The following RALGAPA2 variants were observed in gnomAD, a reference collection of about 807,000 sequenced individuals.
RALGAPA2 encodes ral GTPase-activating protein subunit alpha-2.
RALGAPA2 carries 139 observed loss-of-function variants against 230.4 expected under a neutral mutation model. That is an observed-to-expected ratio of 0.60 (90% confidence interval 0.53 to 0.69). The LOEUF (loss-of-function observed/expected upper bound fraction) is 0.69. Among genes scored for constraint, RALGAPA2 ranks in the 30% least tolerant of loss-of-function variants. The pLI is 0.00. For synonymous variants in RALGAPA2, 847 were observed against 837.8 expected, an observed-to-expected ratio of 1.01 and a Z score of -0.19; for missense variants, 2,163 against 2,276.0, an observed-to-expected ratio of 0.95 and a Z score of 1.01.
At chr20:20,404,715 C>T (rs541875538) in intron 38 of RALGAPA2, among the ~76,000 whole-genome samples, 9 of 152,328 alleles carry the variant, frequency 5.9e-5, no homozygotes, top group South Asian at 2.1e-4. Context: ...TTGGCAACTG[C>T]TAAAGCGTCC....
At position 20,396,774 on chromosome 20, in the gene RALGAPA2, A is replaced by C. The variant is rs201691965; in HGVS notation, c.5618-40T>G. The C allele has an allele frequency of 3.5e-6, 5 of 1,413,560 alleles. No individual in the cohort carries two copies. The African/African-American group carries it at 6.7e-5, about 19-fold the overall frequency. 87.6% of individuals were successfully genotyped at this position (1,413,560 alleles called of 1,614,324 possible). A position where few individuals can be genotyped will look rare whatever the true frequency, so the allele number is the denominator to read the frequency against. ...CACAAAATGGAATGAATACAAACAC[A>C]ACACCCCCACAGCTCCAACTTGATA... On this transcript the variant is annotated intron_variant, in intron 38 of 39. Transcript: ENST00000202677.
chr20:20,531,762 T>G lies in RALGAPA2; in HGVS notation c.3507A>C (p.Ile1169=), dbSNP rs759390443. 6.8e-6 allele frequency: 11 copies of G among 1,607,572 alleles called. No homozygotes were observed. The Admixed American group carries it at 1.9e-4, about 27-fold the overall frequency. Residue 1169 remains isoleucine (I), a synonymous_variant, in exon 27 of 40, where the codon ATA becomes ATC. Transcript: ENST00000202677. ...CIAVCSLGVW[I]CEELAQCTSH... ...TTGTACACTGTGCAAGCTCTTCACATATCCAGACCCCAAGGGAGCAAACAG... is the reference window on the plus strand; with the variant it reads ...TTGTACACTGTGCAAGCTCTTCACAGATCCAGACCCCAAGGGAGCAAACAG...
intron 30 of RALGAPA2, among the ~76,000 whole-genome samples, chr20:20,521,950 TAC>T (rs1480593159): frequency 6.6e-6 from 1 of 152,226 alleles, no homozygotes; most frequent in Non-Finnish European, 1.5e-5. Flanking sequence ...TACCAAGAAT[TAC>T]AGTTGTCAGG....
chr20:20,460,936 A>G (rs759795956), intron 37 of RALGAPA2, among the ~76,000 whole-genome samples: 5 of 152,242 alleles, frequency 3.3e-5, no homozygotes, highest in African/African-American at 4.8e-5. Context: ...GAAAGCCAAT[A>G]TAAGTTAAAA....
At chr20:20,657,127 G>A (rs1167227867) in intron 3 of RALGAPA2, among the ~76,000 whole-genome samples, 1 of 152,240 alleles carries the variant, frequency 6.6e-6, no homozygotes, top group Non-Finnish European at 1.5e-5. Context: ...GGAGATAGGA[G>A]TACAAATGGC....
Position 20,609,124 on chromosome 20 carries a change from A to G in RALGAPA2, c.1800+2191T>C, listed in dbSNP as rs548644359. On this transcript the variant is annotated intron_variant, in intron 14 of 39. Coordinates refer to ENST00000202677, the MANE Select transcript of RALGAPA2 (RefSeq NM_020343.4). ...AATCTTCCCACCTCAGCTCCCAAGT[A>G]ACTGAAACTTCAGGTGCATGCCACT... 2.0e-5 allele frequency among the ~76,000 whole-genome samples: 3 copies of G among 152,236 alleles called. No individual in the cohort carries two copies. In the East Asian group the frequency reaches 5.8e-4, roughly 29 times the overall value.
rs2062762073 is a variant in RALGAPA2, at chr20:20,513,112, C to T, written c.4257G>A (p.Glu1419=). The T allele has an allele frequency of 6.3e-7, 1 of 1,589,016 alleles. No homozygotes were observed. Among genetic ancestry groups the T allele is most frequent in the Non-Finnish European group, 8.6e-7 (1 of 1,169,302 alleles). Residue 1419 remains glutamate (E), a synonymous_variant, in exon 32 of 40, where the codon GAG becomes GAA. Transcript: ENST00000202677. ...GCTGCAGGTTTGGACTTCTGAACAC[C>T]TCAAAGGACAGCTCGGAGCCTTCCA... ...AHVEGSELSF[E]VFRSPNLQLF... is the part of the protein sequence containing the mutation.
intron 1 of RALGAPA2, among the ~76,000 whole-genome samples, chr20:20,700,060 T>A (rs2069284857): frequency 6.6e-6 from 1 of 152,146 alleles, no homozygotes; most frequent in African/African-American, 2.4e-5. Flanking sequence ...TCAACCTAAC[T>A]GCCCATTAGT....
At chr20:20,451,501 C>G (rs972535156) in intron 37 of RALGAPA2, among the ~76,000 whole-genome samples, 1 of 152,202 alleles carries the variant, frequency 6.6e-6, no homozygotes, top group South Asian at 2.1e-4. Context: ...AGACTGGCTA[C>G]AAAACACTTA....
intron 37 of RALGAPA2, among the ~76,000 whole-genome samples, chr20:20,425,256 C>G (rs759846890): frequency 6.6e-6 from 1 of 152,184 alleles, no homozygotes; most frequent in Non-Finnish European, 1.5e-5. Flanking sequence ...CACGTGAAAT[C>G]AGACTAGGCT....
chr20:20,561,765 C>T (rs150508854), intron 23 of RALGAPA2, among the ~76,000 whole-genome samples: 2 of 152,264 alleles, frequency 1.3e-5, no homozygotes, highest in African/African-American at 4.8e-5. Flanking sequence ...TATTACCTAG[C>T]TCTTTTCTTA....
chr20:20,471,186 G>C (rs1161878167), intron 37 of RALGAPA2: 1 of 152,088 alleles, frequency 6.6e-6, no homozygotes, highest in Non-Finnish European at 1.5e-5. Flanking sequence ...TGCTTGAAAA[G>C]TTTTCAAAGT....
At chr20:20,399,362 A>AAT (rs397698045) in intron 38 of RALGAPA2, among the ~76,000 whole-genome samples, 1 of 150,760 alleles carries the variant, frequency 6.6e-6, no homozygotes, top group Non-Finnish European at 1.5e-5. Flanking sequence ...AAAAAAAAAA[A>AAT]GTTGTGACAC....
intron 28 of RALGAPA2, among the ~76,000 whole-genome samples, chr20:20,525,571 C>G (rs1302183123): frequency 2.0e-5 from 3 of 152,256 alleles, no homozygotes; most frequent in African/African-American, 7.2e-5. Context: ...ATGAAGTTTC[C>G]TCGAAGAGTT....
At chr20:20,522,466 A>G (rs1339496657) in intron 30 of RALGAPA2, among the ~76,000 whole-genome samples, 1 of 152,262 alleles carries the variant, frequency 6.6e-6, no homozygotes, top group Non-Finnish European at 1.5e-5. Context: ...AAAAGAGGAT[A>G]TACTGTATGA....
At chr20:20,646,492 T>G (rs2067220479) in intron 4 of RALGAPA2, among the ~76,000 whole-genome samples, 1 of 152,232 alleles carries the variant, frequency 6.6e-6, no homozygotes, top group Non-Finnish European at 1.5e-5. Flanking sequence ...CCACCTCTTC[T>G]GTGCCTTGAC....
intron 3 of RALGAPA2, among the ~76,000 whole-genome samples, chr20:20,657,793 T>C (rs1334341082): frequency 1.3e-5 from 2 of 152,140 alleles, no homozygotes; most frequent in Non-Finnish European, 2.9e-5. Context: ...CACTTAAACA[T>C]TTCATATAGG....
Position 20,619,295 on chromosome 20 carries a change from G to A in RALGAPA2, c.1521C>T (p.Gly507=), listed in dbSNP as rs376239129. 3.8e-5 allele frequency: 61 copies of A among 1,607,190 alleles called. No individual in the cohort carries two copies. Among genetic ancestry groups the A allele is most frequent in the Non-Finnish European group, 5.0e-5 (59 of 1,175,774 alleles). ...CACATACCTGCAACAAAGCCTGGACGCCGGCTTTCACATTTGTATTTTCCT... is the reference window on the plus strand; with the variant it reads ...CACATACCTGCAACAAAGCCTGGACACCGGCTTTCACATTTGTATTTTCCT... ...TEEENTNVKA[G]VQALLQVFLT... Residue 507 remains glycine (G), a synonymous_variant, in exon 12 of 40, where the codon GGC becomes GGT. Coordinates refer to ENST00000202677, the MANE Select transcript of RALGAPA2 (RefSeq NM_020343.4).
In RALGAPA2 at chr20:20,573,029, G is replaced by C; in HGVS notation, c.2747C>G (p.Ala916Gly). ...GTGCCAACCAGTGAGGCTCCCCCCG[G>C]CGATTATACTACAGTCATCTGTGAG... The part of the protein sequence containing the change: ...ECLTDDCSII[A>G]GGSLTGWHPD... The change falls in exon 21 of 40, where the codon GCC becomes GGC. Residue 916 changes from alanine (A) to glycine (G), a missense_variant. By Grantham distance (60) the Ala-to-Gly change is moderately conservative (BLOSUM62 0). Transcript: ENST00000202677. The C allele has an allele frequency of 6.2e-7, 1 of 1,610,288 alleles. No individual in the cohort carries two copies. The highest frequency in any genetic ancestry group is 8.5e-7 in the Non-Finnish European group (1 of 1,178,338).
Sources: gnomAD v4.1 joint callset for allele counts (sites outside exome capture counted in the v4.1 genomes callset) on GRCh38, gnomAD v4.1.1 for gene constraint, MANE v1.5 for transcripts, NCBI Gene and HGNC (gene_info 2026-07-23, HGNC 2026-07-21) for gene names.